Variants in ZP3 observed in about 807,000 individuals in gnomAD.
The protein encoded by ZP3 is zona pellucida glycoprotein 3.
Under a neutral mutation model 35.6 loss-of-function variants are expected in ZP3, and 21 were observed. The ratio of observed to expected loss-of-function variants is 0.59; its 90% CI spans 0.42 to 0.85. ZP3 has a LOEUF of 0.85. ZP3 is among the 40% of genes least tolerant of loss of function. The pLI is 0.00. For synonymous variants in ZP3, 207 were observed against 214.5 expected, an observed-to-expected ratio of 0.96 and a Z score of 0.31; for missense variants, 437 against 536.5, an observed-to-expected ratio of 0.81 and a Z score of 1.83.
At chr7:76,425,550 G>A (rs1805626043) in intron 1 of ZP3, among the ~76,000 whole-genome samples, 1 of 152,048 alleles carries the variant, frequency 6.6e-6, no homozygotes, top group African/African-American at 2.4e-5. Context: ...TCTCAGGTGG[G>A]TTTGTGACAC....
intron 1 of ZP3, among the ~76,000 whole-genome samples, chr7:76,416,288 G>C (rs949277178): frequency 5.3e-5 from 8 of 151,108 alleles, no homozygotes; most frequent in African/African-American, 1.9e-4. Context: ...AATTAACCAA[G>C]TATGGTGGCG....
At chr7:76,433,382 T>A in intron 3 of ZP3, 88 bp from the exon 4 acceptor site, 1 of 1,442,664 alleles carries the variant, frequency 6.9e-7, no homozygotes, top group South Asian at 1.3e-5. Context: ...CTCGAACTCC[T>A]GACCTCAGGT....
At chr7:76,406,460 A>AT (rs942398566) in intron 1 of ZP3, among the ~76,000 whole-genome samples, 7 of 151,624 alleles carry the variant, frequency 4.6e-5, no homozygotes, top group African/African-American at 1.7e-4. Context: ...TAATTAATTA[A>AT]TTTTTTTTAC....
chr7:76,398,373 G>A (rs980397567), intron 1 of ZP3, among the ~76,000 whole-genome samples: 2 of 146,786 alleles, frequency 1.4e-5, no homozygotes, highest in South Asian at 4.3e-4. Context: ...ACAGTGGCAT[G>A]ATCTTACTGC....
intron 1 of ZP3, among the ~76,000 whole-genome samples, chr7:76,406,827 C>T (rs919609528): frequency 2.6e-5 from 4 of 151,694 alleles, no homozygotes; most frequent in East Asian, 1.9e-4. Context: ...CAAAATGGGC[C>T]GAGCATTGTA....
chr7:76,423,021 G>GAAAGAAAGAAAGAAAGAA (rs760922020), upstream of ZP3, among the ~76,000 whole-genome samples: 37 of 72,784 alleles, frequency 5.1e-4, no homozygotes, highest in Non-Finnish European at 9.2e-4. Context: ...GAGAGAGAGA[G>GAAAGAAAGAAAGAAAGAA]AGAGAGAAAG....
chr7:76,435,282 A>G (rs1173154813), intron 5 of ZP3, among the ~76,000 whole-genome samples: 5 of 152,272 alleles, frequency 3.3e-5, no homozygotes, highest in African/African-American at 4.8e-5. Flanking sequence ...TCTCCCAAGT[A>G]GCTGGGAGTA....
upstream of ZP3, among the ~76,000 whole-genome samples, chr7:76,423,059 G>GAAACAAAGAAAC (rs1563695565): frequency 2.0e-5 from 3 of 146,640 alleles, no homozygotes; most frequent in African/African-American, 7.7e-5. Context: ...AAGAAAGAAA[G>GAAACAAAGAAAC]AAAGAAAGAA....
chr7:76,415,364 C>CAAAAAAAAAAAAAAAAAAAAAAAAAAAA (rs528001072), intron 1 of ZP3, among the ~76,000 whole-genome samples: 21 of 63,496 alleles, frequency 3.3e-4, no homozygotes, highest in Admixed American at 9.6e-4. Context: ...GACTCCGTCT[C>CAAAAAAAAAAAAAAAAAAAAAAAAAAAA]AAAAAAAAAA....
At chr7:76,429,420 C>A in intron 1 of ZP3, 95 bp from the exon 2 acceptor site, 1 of 1,174,542 alleles carries the variant, frequency 8.5e-7, no homozygotes, top group Non-Finnish European at 1.3e-6. Flanking sequence ...TCTTTCTGTC[C>A]CCTTGTGGGC....
At chr7:76,433,129 T>TTTTGGTTGGC in intron 3 of ZP3, 99 bp downstream of exon 3, 1 of 624,192 alleles carries the variant, frequency 1.6e-6, no homozygotes, top group Non-Finnish European at 2.8e-6. Flanking sequence ...TTGGTTTTGG[T>TTTTGGTTGGC]TTTGGTTGGT....
At chr7:76,409,892 G>A (rs950820098) in intron 1 of ZP3, among the ~76,000 whole-genome samples, 8 of 152,032 alleles carry the variant, frequency 5.3e-5, no homozygotes, top group African/African-American at 1.9e-4. Context: ...CAGGAGTCCC[G>A]CCTGATGATG....
chr7:76,411,730 T>C (rs1298491929), intron 1 of ZP3, among the ~76,000 whole-genome samples: 5 of 152,166 alleles, frequency 3.3e-5, no homozygotes, highest in Admixed American at 3.3e-4. Context: ...CTCTGAAATA[T>C]AGTCTGACAG....
At chr7:76,429,199 T>G in intron 1 of ZP3, 1 of 331,024 alleles carries the variant, frequency 3.0e-6, no homozygotes, top group Non-Finnish European at 5.9e-6. Flanking sequence ...GGTGTCAATA[T>G]GTGGTGTCAG....
intron 5 of ZP3, among the ~76,000 whole-genome samples, chr7:76,435,940 G>T (rs1805985858): frequency 6.6e-6 from 1 of 150,854 alleles, no homozygotes; most frequent in Non-Finnish European, 1.5e-5. Flanking sequence ...TGGCCAGGCT[G>T]GTCTTGAACT....
chr7:76,413,018 A>C (rs1159159654), intron 1 of ZP3, among the ~76,000 whole-genome samples: 4 of 134,082 alleles, frequency 3.0e-5, no homozygotes. Context: ...GCTGGAGTGC[A>C]ATGATGTGAT....
At chr7:76,413,657 A>G (rs1420207084) in intron 1 of ZP3, among the ~76,000 whole-genome samples, 1 of 151,884 alleles carries the variant, frequency 6.6e-6, no homozygotes, top group Non-Finnish European at 1.5e-5. Flanking sequence ...ACAGACTAAT[A>G]TTTTAATTTT....
intron 5 of ZP3, among the ~76,000 whole-genome samples, chr7:76,436,766 G>A (rs537624446): frequency 2.2e-3 from 332 of 152,334 alleles, no homozygotes; most frequent in Non-Finnish European, 3.9e-3. Flanking sequence ...GGTTGTGGGA[G>A]GAAGTCAAGA....
At chr7:76,431,595 T>C (rs562128934) in intron 2 of ZP3, among the ~76,000 whole-genome samples, 1 of 152,292 alleles carries the variant, frequency 6.6e-6, no homozygotes, top group East Asian at 1.9e-4. Context: ...AGGGCCTGTC[T>C]TTGATCTCTA....
Sources: allele counts gnomAD v4.1 joint callset (sites outside exome capture counted in the v4.1 genomes callset), GRCh38; gene constraint gnomAD v4.1.1; transcripts MANE v1.5; gene names NCBI Gene and HGNC (gene_info 2026-07-23, HGNC 2026-07-21).